The following COL26A1 variants were observed in gnomAD, a reference collection of about 807,000 sequenced individuals.
The protein encoded by COL26A1 is collagen alpha-1(XXVI) chain.
In COL26A1, 41 loss-of-function variants were observed where a neutral mutation model predicts 59.3. The ratio of observed to expected loss-of-function variants is 0.69; its 90% CI spans 0.54 to 0.90. COL26A1 has a LOEUF of 0.90. Ranked by LOEUF, COL26A1 falls within the 40% of genes least tolerant of loss-of-function variation. The pLI is 0.00. For missense variants in COL26A1, 612 were observed against 602.3 expected (o/e 1.02, Z -0.17); for synonymous variants, 266 against 256.0 (o/e 1.04, Z -0.37).
intron 1 of COL26A1, among the ~76,000 whole-genome samples, chr7:101,381,848 A>G (rs1791458686): frequency 6.6e-6 from 1 of 152,076 alleles, no homozygotes; most frequent in Non-Finnish European, 1.5e-5. Context: ...GGGAGATATT[A>G]TTTGGCCAAA....
chr7:101,433,260 G>T (rs913816057), intron 2 of COL26A1, among the ~76,000 whole-genome samples: 1 of 152,136 alleles, frequency 6.6e-6, no homozygotes, highest in Non-Finnish European at 1.5e-5. Flanking sequence ...TAAGGTAGAA[G>T]TTGTAGTGAA....
chr7:101,466,925 G>A (rs1793776907), intron 3 of COL26A1, among the ~76,000 whole-genome samples: 3 of 151,544 alleles, frequency 2.0e-5, no homozygotes, highest in Non-Finnish European at 4.4e-5. Flanking sequence ...ACCCTGTCAG[G>A]TAGAGGGTGC....
At chr7:101,369,597 C>T (rs998002707) in intron 1 of COL26A1, among the ~76,000 whole-genome samples, 35 of 149,662 alleles carry the variant, frequency 2.3e-4, no homozygotes, top group African/African-American at 8.3e-4. Context: ...TATAATCACC[C>T]GCCACCACAC....
chr7:101,518,953 A>G (rs994000200), intron 3 of COL26A1, among the ~76,000 whole-genome samples: 1 of 152,184 alleles, frequency 6.6e-6, no homozygotes, highest in African/African-American at 2.4e-5. Context: ...CTTGATCCTG[A>G]AAGAGTCTCG....
intron 1 of COL26A1, among the ~76,000 whole-genome samples, chr7:101,385,102 G>A (rs1190428829): frequency 1.3e-5 from 2 of 151,636 alleles, no homozygotes; most frequent in African/African-American, 4.8e-5. Context: ...TTGAGGGTGG[G>A]TCCTCCTCAC....
intron 1 of COL26A1, among the ~76,000 whole-genome samples, chr7:101,414,452 G>GTGTA (rs1158287019): frequency 6.6e-6 from 1 of 151,670 alleles, no homozygotes; most frequent in Non-Finnish European, 1.5e-5. Flanking sequence ...GTGTGTGTGT[G>GTGTA]TGTGTGTCGG....
chr7:101,484,638 G>A lies in COL26A1; in HGVS notation c.385+36851G>A, dbSNP rs564123482. ...CCCACCTCAGCCTCCCAAAGTGCTGGAATTACAGGTGTGAGCCACCATGCT... is the reference window on the plus strand; with the variant it reads ...CCCACCTCAGCCTCCCAAAGTGCTGAAATTACAGGTGTGAGCCACCATGCT... On this transcript the variant is annotated intron_variant, in intron 3 of 12. Transcript: ENST00000313669. Among the ~76,000 whole-genome samples the A allele has an allele frequency of 2.6e-5, 4 of 151,862 alleles. No individual in the cohort carries two copies. In the South Asian group the frequency reaches 8.3e-4, roughly 32 times the overall value.
At chr7:101,533,211 C>A in intron 4 of COL26A1, 68 bp downstream of exon 4, 1 of 1,177,142 alleles carries the variant, frequency 8.5e-7, no homozygotes, top group Non-Finnish European at 1.2e-6. Flanking sequence ...AGGGAGGCAT[C>A]AGGCAACCAC....
At chr7:101,492,856 C>T (rs1045587467) in intron 3 of COL26A1, among the ~76,000 whole-genome samples, 3 of 151,864 alleles carry the variant, frequency 2.0e-5, no homozygotes, top group African/African-American at 7.2e-5. Context: ...CCTCCCATCT[C>T]AGCCTCCAAA....
chr7:101,497,057 G>T lies in COL26A1; in HGVS notation c.386-36025G>T, dbSNP rs987661234. ...GTTCGAGACCAGCCTGGCCAACATG[G>T]TGAAACTCCGTCTCTACTAAAAATA... On this transcript the variant is annotated intron_variant, in intron 3 of 12. Coordinates refer to ENST00000313669, the MANE Select transcript of COL26A1 (RefSeq NM_001278563.3). Among the ~76,000 whole-genome samples the T allele has an allele frequency of 5.9e-5, 9 of 152,058 alleles. No homozygotes were observed. The East Asian group carries it at 1.6e-3, about 26-fold the overall frequency.
intron 10 of COL26A1, 104 bp downstream of exon 10, chr7:101,551,247 G>A: frequency 1.8e-6 from 2 of 1,101,294 alleles, no homozygotes; most frequent in East Asian, 2.6e-5. Flanking sequence ...GTTCAGCCCT[G>A]GGTGGCCCTG....
At chr7:101,463,632 T>TTCCTTCCTTCCATCCTTCCATCCTTCCA (rs1793669897) in intron 3 of COL26A1, among the ~76,000 whole-genome samples, 1 of 65,012 alleles carries the variant, frequency 1.5e-5, no homozygotes, top group Non-Finnish European at 3.3e-5. Flanking sequence ...CCCCTCTTCC[T>TTCCTTCCTTCCATCCTTCCATCCTTCCA]TCCTTCCTTC....
intron 2 of COL26A1, among the ~76,000 whole-genome samples, chr7:101,421,896 T>G (rs191384241): frequency 4.6e-5 from 7 of 152,348 alleles, no homozygotes; most frequent in Admixed American, 4.6e-4. Context: ...ATTTTCATTC[T>G]TCTTTAATAG....
chr7:101,557,069 A>G (rs1795995884), intron 12 of COL26A1, among the ~76,000 whole-genome samples: 1 of 151,884 alleles, frequency 6.6e-6, no homozygotes, highest in Non-Finnish European at 1.5e-5. Context: ...GAGTGAATGA[A>G]TGGATAGATG....
chr7:101,494,617 C>T (rs761650540), intron 3 of COL26A1, among the ~76,000 whole-genome samples: 7 of 152,226 alleles, frequency 4.6e-5, no homozygotes, highest in South Asian at 2.1e-4. Context: ...GATTGAGTTT[C>T]GTCTGCATTT....
intron 3 of COL26A1, among the ~76,000 whole-genome samples, chr7:101,528,523 TC>T (rs1795297160): frequency 6.8e-6 from 1 of 146,110 alleles, no homozygotes; most frequent in Non-Finnish European, 1.5e-5. Flanking sequence ...TTCCCTCTCC[TC>T]CCCTCCTCTC....
At chr7:101,366,030 A>C (rs71559411) in intron 1 of COL26A1, among the ~76,000 whole-genome samples, 3,994 of 152,302 alleles carry the variant, frequency 0.026, 68 homozygotes, top group Non-Finnish European at 0.041. Flanking sequence ...TTCCACCAGG[A>C]TAAGAACAGG....
intron 2 of COL26A1, among the ~76,000 whole-genome samples, chr7:101,431,168 A>C (rs1469917909): frequency 6.6e-6 from 1 of 152,128 alleles, no homozygotes; most frequent in Admixed American, 6.6e-5. Context: ...GTTGAATAGG[A>C]GTGGTAAGTG....
Position 101,364,067 on chromosome 7 carries a change from C to T in COL26A1, c.158+877C>T, listed in dbSNP as rs572113479. On this transcript the variant is annotated intron_variant, in intron 1 of 12. Coordinates refer to ENST00000313669, the MANE Select transcript of COL26A1 (RefSeq NM_001278563.3). ...GGAGAGGGCGCAGGGTCACCGGGCC[C>T]GGGCGCCGGGACCCGCCAGGCGTCT... Among the ~76,000 whole-genome samples, 8 of 152,178 alleles carry T rather than the reference C, an allele frequency of 5.3e-5. No individual in the cohort carries two copies. In the East Asian group the frequency reaches 1.2e-3, roughly 22 times the overall value.
Sources: gnomAD v4.1 joint callset for allele counts (sites outside exome capture counted in the v4.1 genomes callset) on GRCh38, gnomAD v4.1.1 for gene constraint, MANE v1.5 for transcripts, NCBI Gene and HGNC (gene_info 2026-07-23, HGNC 2026-07-21) for gene names.